Variants in DOCK8 observed in about 807,000 individuals in gnomAD.
DOCK8 encodes the protein dedicator of cytokinesis 8, also known as dedicator of cytokinesis protein 8.
Under a neutral mutation model 245.6 loss-of-function variants are expected in DOCK8, and 141 were observed. That is an observed-to-expected ratio of 0.57 (90% CI 0.50 to 0.66). The LOEUF is 0.66. Ranked by LOEUF, DOCK8 falls within the 30% of genes least tolerant of loss-of-function variation. The probability of loss-of-function intolerance (pLI) is 0.00; values close to 1 mark genes in which losing one functional copy is unlikely to be tolerated. For missense variants in DOCK8, 2,965 were observed against 2,603.4 expected (o/e 1.14, Z -3.02); for synonymous variants, 1,168 against 970.2 (o/e 1.20, Z -3.79).
At chr9:229,827 A>G (rs148971963) in intron 1 of DOCK8, among the ~76,000 whole-genome samples, 1 of 152,172 alleles carries the variant, frequency 6.6e-6, no homozygotes, top group Non-Finnish European at 1.5e-5. Context: ...GTAACAGCCA[A>G]CCAAACCATC....
At chr9:367,184 C>G (rs1489130843) in intron 14 of DOCK8, among the ~76,000 whole-genome samples, 1 of 152,130 alleles carries the variant, frequency 6.6e-6, no homozygotes, top group Admixed American at 6.5e-5. Context: ...CAGGATAAGT[C>G]CTGTTTAAAT....
At chr9:327,907 A>T (rs1323525718) in intron 8 of DOCK8, 115 bp from the exon 9 acceptor site, 6 of 957,762 alleles carry the variant, frequency 6.3e-6, no homozygotes, top group Non-Finnish European at 1.0e-5. Context: ...ATCTGTGATT[A>T]TTACACTTAC....
intron 1 of DOCK8, among the ~76,000 whole-genome samples, chr9:263,733 A>G (rs1052385232): frequency 3.3e-5 from 5 of 152,104 alleles, no homozygotes; most frequent in Non-Finnish European, 1.5e-5. Context: ...AAAATTCTAG[A>G]TTGTTAGTTA....
chr9:310,266 T>TA (rs56099733), intron 5 of DOCK8, among the ~76,000 whole-genome samples: 129,318 of 145,844 alleles, frequency 0.89, 57,378 homozygotes, highest in African/African-American at 0.95. Flanking sequence ...AAACTCCGTC[T>TA]AAAAAAAAAA....
intron 26 of DOCK8, among the ~76,000 whole-genome samples, chr9:399,585 G>T (rs1586904628): frequency 6.6e-6 from 1 of 152,186 alleles, no homozygotes. Flanking sequence ...TTCAGTCTTT[G>T]ACAAGTCCTT....
intron 24 of DOCK8, among the ~76,000 whole-genome samples, chr9:396,477 C>T (rs2054461054): frequency 6.6e-6 from 1 of 152,138 alleles, no homozygotes; most frequent in African/African-American, 2.4e-5. Flanking sequence ...CTCAGGTCTG[C>T]CTTCCAGGAT....
Position 371,450 on chromosome 9 carries a change from G to C in DOCK8, c.1891G>C (p.Val631Leu), listed in dbSNP as rs750398463. The C allele has an allele frequency of 6.2e-6, 10 of 1,614,084 alleles. No homozygotes were observed. In the Admixed American group the frequency reaches 1.5e-4, roughly 24 times the overall value. ...CAGGTCTCCTGACTTTTATGAAGAA[G>C]TGAAAATTAAGCTCCCCGCTAAGCT... is the stretch of plus-strand genomic sequence containing the variant. ...HNKSPDFYEEVKIKLPAKLTV... is the reference protein window; with the variant it reads ...HNKSPDFYEELKIKLPAKLTV... The change falls in exon 17 of 48, where the codon GTG (valine) becomes CTG (leucine). Residue 631 changes from valine (V) to leucine (L), a missense_variant. Val to Leu is a conservative substitution (Grantham distance 32, BLOSUM62 1). This residue lies in a region of DOCK8 where 2,825 missense variants were observed against 2,453.5 expected (regional missense o/e 1.15). Transcript: ENST00000432829.
intron 45 of DOCK8, among the ~76,000 whole-genome samples, chr9:451,637 A>AAC (rs1227363107): frequency 1.3e-5 from 2 of 151,572 alleles, no homozygotes; most frequent in Admixed American, 6.6e-5. Context: ...ACAAAAACAA[A>AAC]ACACACACAC....
At position 228,025 on chromosome 9, in the gene DOCK8, G is replaced by A. The variant is rs563882123; in HGVS notation, c.53+12996G>A. 6.6e-5 allele frequency among the ~76,000 whole-genome samples: 10 copies of A among 152,200 alleles called. 1 individual carries two copies. Among genetic ancestry groups the A allele is most frequent in the South Asian group, 4.2e-4 (2 of 4,816 alleles). On this transcript the variant is annotated intron_variant, in intron 1 of 47. Transcript: ENST00000432829. ...AAACCTCTGAATTAGCAGTTTTAGC[G>A]GAGCTGTGGGGAAGGAAGTCAGGTT...
At chr9:460,655 G>GA (rs1331571710) in intron 46 of DOCK8, 3 of 152,248 alleles carry the variant, frequency 2.0e-5, no homozygotes, top group Non-Finnish European at 2.9e-5. Flanking sequence ...ATCCAGTTAA[G>GA]GGAGTTCTTT....
At chr9:284,797 T>C (rs574585037) in intron 2 of DOCK8, among the ~76,000 whole-genome samples, 1 of 152,292 alleles carries the variant, frequency 6.6e-6, no homozygotes, top group South Asian at 2.1e-4. Flanking sequence ...TGTGGGAACA[T>C]GGATGGAACT....
chr9:268,020 C>T (rs1428860063), intron 1 of DOCK8: 1 of 152,186 alleles, frequency 6.6e-6, no homozygotes, highest in East Asian at 1.9e-4. Flanking sequence ...TATACAACCC[C>T]ACCAGGGGTG....
At chr9:216,166 A>G (rs942488789) in intron 1 of DOCK8, among the ~76,000 whole-genome samples, 1 of 152,160 alleles carries the variant, frequency 6.6e-6, no homozygotes. Context: ...CTATTTCGTC[A>G]TCTGTAAAAT....
chr9:241,716 C>CTT (rs1299519429), intron 1 of DOCK8, among the ~76,000 whole-genome samples: 4 of 152,182 alleles, frequency 2.6e-5, no homozygotes, highest in African/African-American at 2.4e-5. Flanking sequence ...ATATAATAAT[C>CTT]TTTTCCTTTG....
intron 1 of DOCK8, among the ~76,000 whole-genome samples, chr9:232,958 T>C (rs1464574671): frequency 6.6e-6 from 1 of 152,224 alleles, no homozygotes; most frequent in Non-Finnish European, 1.5e-5. Context: ...GTGTTTGCTC[T>C]TGCTTCTCTA....
chr9:218,921 C>A (rs1348050284), intron 1 of DOCK8, among the ~76,000 whole-genome samples: 2 of 152,142 alleles, frequency 1.3e-5, no homozygotes, highest in African/African-American at 4.8e-5. Flanking sequence ...CAATGACTAT[C>A]TCCGTTTTAC....
At chr9:340,448 G>T in intron 14 of DOCK8, 127 bp downstream of exon 14, 2 of 1,221,360 alleles carry the variant, frequency 1.6e-6, no homozygotes. Flanking sequence ...TGGCAAAACC[G>T]TGTCTCTACA....
intron 15 of DOCK8, chr9:368,416 C>T: frequency 1.6e-6 from 1 of 639,772 alleles, no homozygotes; most frequent in South Asian, 1.8e-5. Flanking sequence ...CCCATAGGAC[C>T]ACCCCACTCT....
intron 7 of DOCK8, among the ~76,000 whole-genome samples, chr9:324,313 C>T (rs2050657452): frequency 6.6e-6 from 1 of 152,182 alleles, no homozygotes; most frequent in Non-Finnish European, 1.5e-5. Context: ...TGAGGACATC[C>T]TCTCACACAT....
Sources: allele counts gnomAD v4.1 joint callset (sites outside exome capture counted in the v4.1 genomes callset), GRCh38; gene constraint gnomAD v4.1.1; regional missense constraint gnomAD v4.1.1; transcripts MANE v1.5; gene names NCBI Gene and HGNC (gene_info 2026-07-23, HGNC 2026-07-21).